CTNNA3: variants seen among roughly 807,000 people sequenced by gnomAD.
CTNNA3 encodes catenin alpha-3.
Under a neutral mutation model 95.7 loss-of-function variants are expected in CTNNA3, and 76 were observed. That is an observed-to-expected ratio of 0.79 (90% CI 0.66 to 0.96). CTNNA3 has a LOEUF of 0.96. CTNNA3 is among the 40% of genes least tolerant of loss of function. The probability of loss-of-function intolerance (pLI) is 0.00; values close to 1 mark genes in which losing one functional copy is unlikely to be tolerated. For synonymous variants in CTNNA3, 431 were observed against 374.4 expected, an observed-to-expected ratio of 1.15 and a Z score of -1.74; for missense variants, 1,191 against 1,089.8, an observed-to-expected ratio of 1.09 and a Z score of -1.31.
At chr10:66,121,941 T>C (rs1217610833) in intron 13 of CTNNA3, among the ~76,000 whole-genome samples, 2 of 152,204 alleles carry the variant, frequency 1.3e-5, no homozygotes, top group East Asian at 3.9e-4. Context: ...ATGGTTTCCT[T>C]CCAATTACAA....
intron 13 of CTNNA3, among the ~76,000 whole-genome samples, chr10:66,265,998 G>C (rs890534321): frequency 7.6e-6 from 1 of 131,470 alleles, no homozygotes. Context: ...TGAATAAAAA[G>C]ACAATAAATG....
chr10:67,282,849 C>T (rs1409008826), intron 5 of CTNNA3, among the ~76,000 whole-genome samples: 2 of 152,144 alleles, frequency 1.3e-5, no homozygotes, highest in South Asian at 2.1e-4. Context: ...GCATGCCTGT[C>T]TCTCAGTCCC....
intron 7 of CTNNA3, among the ~76,000 whole-genome samples, chr10:66,826,052 A>C (rs979913461): frequency 6.6e-6 from 1 of 152,164 alleles, no homozygotes; most frequent in Non-Finnish European, 1.5e-5. Flanking sequence ...GGAGGAGTGA[A>C]AGGAACTTTC....
intron 7 of CTNNA3, among the ~76,000 whole-genome samples, chr10:66,929,451 G>A (rs1248106238): frequency 6.6e-6 from 1 of 152,148 alleles, no homozygotes; most frequent in Admixed American, 6.5e-5. Context: ...TTGTCAGGCT[G>A]CCCTGTTGTG....
At position 66,641,762 on chromosome 10, in the gene CTNNA3, G is replaced by A. The variant is rs572673012; in HGVS notation, c.1282-19978C>T. ...GAATTGTTCATGAGTCCAAGCAGTT[G>A]TAACTGCATCTAGCAAATAATGGTC... On this transcript the variant is annotated intron_variant, in intron 9 of 17. Transcript: ENST00000433211. 2.8e-3 allele frequency among the ~76,000 whole-genome samples: 428 copies of A among 152,228 alleles called. 2 individuals carry two copies. The highest frequency in any genetic ancestry group is 0.01 in the African/African-American group (419 of 41,558).
intron 15 of CTNNA3, among the ~76,000 whole-genome samples, chr10:66,050,752 G>A (rs1380424158): frequency 6.6e-6 from 1 of 152,110 alleles, no homozygotes; most frequent in Non-Finnish European, 1.5e-5. Flanking sequence ...CACCTAGGAA[G>A]CTACTCATCC....
intron 7 of CTNNA3, among the ~76,000 whole-genome samples, chr10:66,937,297 C>A (rs887366705): frequency 1.3e-5 from 2 of 152,110 alleles, no homozygotes; most frequent in Admixed American, 1.3e-4. Flanking sequence ...GGGATTGTTG[C>A]AAGAAGGCAA....
intron 1 of CTNNA3, among the ~76,000 whole-genome samples, chr10:67,711,281 T>C (rs1334423596): frequency 6.6e-6 from 1 of 152,152 alleles, no homozygotes; most frequent in Non-Finnish European, 1.5e-5. Context: ...CGACTGGAAC[T>C]GGGTAATAGG....
intron 17 of CTNNA3, among the ~76,000 whole-genome samples, chr10:65,943,872 G>A (rs915146602): frequency 6.6e-6 from 1 of 152,166 alleles, no homozygotes; most frequent in Non-Finnish European, 1.5e-5. Context: ...AACAACTAAA[G>A]GAGATGTTGT....
At chr10:67,175,543 C>T (rs1164592405) in intron 7 of CTNNA3, among the ~76,000 whole-genome samples, 2 of 152,144 alleles carry the variant, frequency 1.3e-5, no homozygotes, top group East Asian at 1.9e-4. Context: ...CAACAATGTG[C>T]TTCCACATAA....
intron 5 of CTNNA3, among the ~76,000 whole-genome samples, chr10:67,301,347 G>A (rs1240320720): frequency 6.6e-6 from 1 of 152,008 alleles, no homozygotes; most frequent in African/African-American, 2.4e-5. Flanking sequence ...CAAAAAGATG[G>A]AAGATAAGTA....
intron 5 of CTNNA3, among the ~76,000 whole-genome samples, chr10:67,279,471 C>T (rs1839309332): frequency 1.3e-5 from 2 of 151,158 alleles, no homozygotes; most frequent in Admixed American, 6.6e-5. Context: ...AGGGGGAAAG[C>T]GGGCTGGAGG....
intron 11 of CTNNA3, among the ~76,000 whole-genome samples, chr10:66,483,690 T>C (rs1422757246): frequency 6.6e-6 from 1 of 152,146 alleles, no homozygotes; most frequent in Non-Finnish European, 1.5e-5. Flanking sequence ...GGAGGAACTC[T>C]GCAGTTCACG....
chr10:67,052,313 ACTCT>A (rs3841706), intron 7 of CTNNA3, among the ~76,000 whole-genome samples: 10,502 of 120,838 alleles, frequency 0.087, 454 homozygotes, highest in Non-Finnish European at 0.1. Flanking sequence ...CCCACTCATC[ACTCT>A]CTCTCTCTCT....
intron 11 of CTNNA3, among the ~76,000 whole-genome samples, chr10:66,449,388 A>G (rs1364021255): frequency 6.6e-6 from 1 of 152,144 alleles, no homozygotes; most frequent in Non-Finnish European, 1.5e-5. Flanking sequence ...CACGTCAAAT[A>G]CCACAGGCAC....
chr10:67,431,353 T>A (rs1230411987), intron 5 of CTNNA3, among the ~76,000 whole-genome samples: 2 of 152,000 alleles, frequency 1.3e-5, no homozygotes, highest in Non-Finnish European at 2.9e-5. Context: ...AATCAGAGTA[T>A]CTGCTCATGA....
chr10:65,998,015 A>C (rs1413061152), intron 15 of CTNNA3, among the ~76,000 whole-genome samples: 1 of 151,584 alleles, frequency 6.6e-6, no homozygotes, highest in East Asian at 1.9e-4. Context: ...ACTCTGTCTC[A>C]AAAAAAACAA....
intron 14 of CTNNA3, among the ~76,000 whole-genome samples, chr10:66,074,378 G>T (rs2133617182): frequency 6.6e-6 from 1 of 151,824 alleles, no homozygotes; most frequent in African/African-American, 2.4e-5. Flanking sequence ...ATGTATCTAG[G>T]AATGGAATTA....
At chr10:67,370,098 C>A (rs1190520464) in intron 5 of CTNNA3, among the ~76,000 whole-genome samples, 1 of 151,982 alleles carries the variant, frequency 6.6e-6, no homozygotes, top group African/African-American at 2.4e-5. Context: ...TGTGTAATGG[C>A]AAAAGATTGA....
Sources: gnomAD v4.1 joint callset for allele counts (sites outside exome capture counted in the v4.1 genomes callset) on GRCh38, gnomAD v4.1.1 for gene constraint, MANE v1.5 for transcripts, NCBI Gene and HGNC (gene_info 2026-07-23, HGNC 2026-07-21) for gene names.